Variants in ALLC observed in about 807,000 individuals in gnomAD.
ALLC encodes the protein allantoicase.
ALLC carries 40 observed loss-of-function variants against 45.0 expected under a neutral mutation model. The ratio of observed to expected loss-of-function variants is 0.89; its 90% CI spans 0.69 to 1.16. The LOEUF (loss-of-function observed/expected upper bound fraction) is 1.16. Among genes scored for constraint, ALLC ranks in the 50% most tolerant of loss-of-function variants. The probability of loss-of-function intolerance (pLI) is 0.00; values close to 1 mark genes in which losing one functional copy is unlikely to be tolerated. For synonymous variants in ALLC, 176 were observed against 178.1 expected (o/e 0.99, Z 0.09); for missense variants, 488 against 493.1 (o/e 0.99, Z 0.10).
chr2:3,649,823 A>G, the ALLC span, among the ~76,000 whole-genome samples: 4 of 152,248 alleles, frequency 2.6e-5, no homozygotes, highest in African/African-American at 9.6e-5. Context: ...GTGCCCAGAG[A>G]CAACCCACGC....
chr2:3,655,303 G>A (rs1437939493), upstream of ALLC, among the ~76,000 whole-genome samples: 1 of 152,242 alleles, frequency 6.6e-6, no homozygotes, highest in Admixed American at 6.5e-5. Flanking sequence ...ACCCACATTC[G>A]GGGAGAAGAA....
At chr2:3,655,839 A>G (rs1479953250), upstream of ALLC, among the ~76,000 whole-genome samples, 1 of 152,092 alleles carries the variant, frequency 6.6e-6, no homozygotes, top group Non-Finnish European at 1.5e-5. Context: ...AGCTGGAGCC[A>G]TAAGACAAGC....
At chr2:3,671,395 A>G (rs34086816) in intron 2 of ALLC, among the ~76,000 whole-genome samples, 60,244 of 152,208 alleles carry the variant, frequency 0.4, 12,384 homozygotes, top group African/African-American at 0.51. Context: ...ACTGCCTTAG[A>G]TTTTGTGTGT....
At chr2:3,663,544 C>T (rs1453134413) in intron 1 of ALLC, among the ~76,000 whole-genome samples, 1 of 151,824 alleles carries the variant, frequency 6.6e-6, no homozygotes, top group Non-Finnish European at 1.5e-5. Flanking sequence ...ACGGAACAAA[C>T]CTGCACATCC....
the ALLC span, among the ~76,000 whole-genome samples, chr2:3,648,264 T>C: frequency 4.2e-4 from 64 of 152,262 alleles, no homozygotes; most frequent in Non-Finnish European, 7.1e-4. Flanking sequence ...TGGAGTGGCT[T>C]CTCCCTGACA....
upstream of ALLC, among the ~76,000 whole-genome samples, chr2:3,658,039 G>A (rs995823433): frequency 4.6e-5 from 7 of 152,370 alleles, no homozygotes; most frequent in African/African-American, 1.4e-4. Context: ...CAGGGACCAT[G>A]TCTGGCTTCG....
chr2:3,686,990 G>A (rs1309260722), intron 7 of ALLC, among the ~76,000 whole-genome samples: 1 of 151,004 alleles, frequency 6.6e-6, no homozygotes, highest in Non-Finnish European at 1.5e-5. Flanking sequence ...AGCGGTGAAA[G>A]TGGGCATCCT....
chr2:3,660,878 C>CT (rs1666557634), intron 1 of ALLC, among the ~76,000 whole-genome samples: 1 of 151,974 alleles, frequency 6.6e-6, no homozygotes, highest in African/African-American at 2.4e-5. Context: ...AGCAGGTGAT[C>CT]GGAATGAGTC....
intron 8 of ALLC, 54 bp from the exon 9 acceptor site, chr2:3,696,221 A>C: frequency 7.0e-7 from 1 of 1,418,498 alleles, no homozygotes. Context: ...CAATGTATTC[A>C]TCCTCATAGT....
chr2:3,681,220 C>T (rs73140832), intron 5 of ALLC, among the ~76,000 whole-genome samples: 3,635 of 152,198 alleles, frequency 0.024, 176 homozygotes, highest in African/African-American at 0.084. Flanking sequence ...AAGATTGTTT[C>T]GGCAAGCCCC....
intron 10 of ALLC, among the ~76,000 whole-genome samples, chr2:3,698,545 A>T (rs1667742281): frequency 6.6e-6 from 1 of 152,256 alleles, no homozygotes; most frequent in African/African-American, 2.4e-5. Flanking sequence ...CTATGTGTTT[A>T]AAAAATATTT....
chr2:3,691,138 C>A (rs1667505810), intron 7 of ALLC, among the ~76,000 whole-genome samples: 1 of 152,056 alleles, frequency 6.6e-6, no homozygotes, highest in South Asian at 2.1e-4. Context: ...AATGTCATCC[C>A]ACTTCTTTTT....
rs1238615245 is a variant in ALLC at position 3,689,869 on chromosome 2, TA to T, written c.512-5847del. 1.5e-4 allele frequency among the ~76,000 whole-genome samples: 23 copies of T among 150,802 alleles called. 1 individual carries two copies. The highest frequency in any genetic ancestry group is 3.0e-4 in the Non-Finnish European group (20 of 67,510). ...CCTTTAGATCTATTAATGTTTGCTT[TA>T]TATAAGACTTGAAAGCTCTGGTGTT... On this transcript the variant is annotated intron_variant, in intron 7 of 11. Transcript: ENST00000252505.
the ALLC span, among the ~76,000 whole-genome samples, chr2:3,649,476 C>T: frequency 2.0e-5 from 3 of 152,140 alleles, no homozygotes; most frequent in Admixed American, 6.5e-5. Context: ...CTCCTGACCT[C>T]GTGATCCACC....
chr2:3,645,836 G>A, the ALLC span, among the ~76,000 whole-genome samples: 1 of 151,356 alleles, frequency 6.6e-6, no homozygotes, highest in African/African-American at 2.4e-5. The surrounding 1 kb of genome is among the most constrained non-coding windows in gnomAD (Gnocchi z 4.3). Flanking sequence ...TAGAACACAC[G>A]TACATGTACA....
chr2:3,665,217 C>T (rs973036765), intron 1 of ALLC, among the ~76,000 whole-genome samples: 2 of 151,988 alleles, frequency 1.3e-5, no homozygotes, highest in East Asian at 1.9e-4. Flanking sequence ...TTTCTGAAGA[C>T]GAGCTTTTAT....
intron 10 of ALLC, 72 bp downstream of exon 10, chr2:3,697,528 G>A: frequency 4.8e-6 from 6 of 1,261,560 alleles, no homozygotes; most frequent in Non-Finnish European, 6.9e-6. Context: ...CTATGGAAGT[G>A]GGACTGAGGA....
At chr2:3,647,489 A>G in the ALLC span, among the ~76,000 whole-genome samples, 1 of 150,326 alleles carries the variant, frequency 6.7e-6, no homozygotes, top group Non-Finnish European at 1.5e-5. Flanking sequence ...GCTGGGGGTT[A>G]CTCACCCATC....
At chr2:3,650,750 C>CA in the ALLC span, among the ~76,000 whole-genome samples, 3 of 152,324 alleles carry the variant, frequency 2.0e-5, no homozygotes, top group African/African-American at 7.2e-5. Flanking sequence ...TACCCACTGT[C>CA]ACGCAGTCCC....
Sources: allele counts gnomAD v4.1 joint callset (sites outside exome capture counted in the v4.1 genomes callset), GRCh38; gene constraint gnomAD v4.1.1; non-coding constraint Gnocchi (gnomAD v3.1); transcripts MANE v1.5; gene names NCBI Gene and HGNC (gene_info 2026-07-23, HGNC 2026-07-21).